The following MCF2L2 variants were observed in gnomAD, a reference collection of about 807,000 sequenced individuals.
The protein encoded by MCF2L2 is probable guanine nucleotide exchange factor MCF2L2.
A neutral mutation model predicts 150.2 loss-of-function variants in MCF2L2; 102 were observed. The observed-to-expected ratio is 0.68, with a 90% CI of 0.58 to 0.80. The LOEUF (loss-of-function observed/expected upper bound fraction) is 0.80. MCF2L2 is among the 30% of genes least tolerant of loss of function. The pLI is 0.00. For synonymous variants in MCF2L2, 465 were observed against 491.3 expected (o/e 0.95, Z 0.71); for missense variants, 1,256 against 1,372.8 (o/e 0.91, Z 1.34).
intron 3 of MCF2L2, among the ~76,000 whole-genome samples, chr3:183,345,662 T>C (rs1411896893): frequency 6.6e-6 from 1 of 151,926 alleles, no homozygotes; most frequent in Non-Finnish European, 1.5e-5. Context: ...ACAAAATAGA[T>C]AGATTGCTAG....
intron 13 of MCF2L2, among the ~76,000 whole-genome samples, chr3:183,292,233 T>G (rs1277437047): frequency 6.6e-6 from 1 of 152,074 alleles, no homozygotes; most frequent in East Asian, 1.9e-4. Flanking sequence ...CACCCCACAA[T>G]TTTCATATAA....
chr3:183,238,995 CAAAAAAAAAAA>C (rs60736939), intron 15 of MCF2L2, among the ~76,000 whole-genome samples: 4 of 88,896 alleles, frequency 4.5e-5, no homozygotes, highest in East Asian at 3.4e-4. Context: ...ATATCCGTCT[CAAAAAAAAAAA>C]AAAAAAAAAA....
intron 26 of MCF2L2, among the ~76,000 whole-genome samples, chr3:183,193,345 T>C (rs1238170807): frequency 1.5e-5 from 2 of 130,156 alleles, no homozygotes; most frequent in African/African-American, 7.2e-5. Flanking sequence ...AAATCTTTTT[T>C]TCTTTTTCTT....
intron 17 of MCF2L2, 33 bp downstream of exon 17, chr3:183,229,633 C>G (rs2108670554): frequency 1.0e-6 from 1 of 984,260 alleles, no homozygotes; most frequent in Non-Finnish European, 1.6e-6. Context: ...CTCTTACTCT[C>G]CATTCTTTCT....
chr3:183,201,869 T>C (rs1051513912), intron 25 of MCF2L2, among the ~76,000 whole-genome samples: 3 of 152,240 alleles, frequency 2.0e-5, no homozygotes, highest in South Asian at 2.1e-4. Flanking sequence ...CTTTACTGCA[T>C]CTATTGAGAT....
rs1471335883 is a variant in MCF2L2 at position 183,179,409 on chromosome 3, G to A, written c.3316C>T (p.Arg1106Cys). The change falls in exon 30 of 30, where the codon CGC (arginine) becomes TGC (cysteine). Residue 1106 changes from arginine to cysteine, a missense_variant. Transcript: ENST00000328913. The surrounding 1 kb of genome is among the most constrained non-coding windows in gnomAD (Gnocchi z 4.2). ...CTCTCCTGGGCGGAGGTCCTCGGGCGCAGCGCCCTCGCCTGGAAACCAGCC... is the reference window on the plus strand; with the variant it reads ...CTCTCCTGGGCGGAGGTCCTCGGGCACAGCGCCCTCGCCTGGAAACCAGCC... ...ATAGFQARAL[R>C]PRTSAQES 1 of 1,560,254 alleles carries A rather than the reference G, an allele frequency of 6.4e-7. No homozygotes were observed. Among genetic ancestry groups the A allele is most frequent in the Non-Finnish European group, 8.7e-7 (1 of 1,152,062 alleles).
At chr3:183,400,654 A>G (rs982568308) in intron 1 of MCF2L2, 7 of 317,500 alleles carry the variant, frequency 2.2e-5, no homozygotes, top group Non-Finnish European at 4.4e-5. Context: ...GAGTGCTCAC[A>G]GGATTACAGC....
intron 3 of MCF2L2, chr3:183,371,905 A>T (rs941017731): frequency 6.6e-6 from 1 of 152,158 alleles, no homozygotes; most frequent in Non-Finnish European, 1.5e-5. Flanking sequence ...CGTTTGTTTC[A>T]CAGGGGCAGA....
chr3:183,293,272 T>C (rs1728268430), intron 13 of MCF2L2, among the ~76,000 whole-genome samples: 2 of 152,216 alleles, frequency 1.3e-5, no homozygotes. Context: ...AGACATTTCA[T>C]AATTATAAAA....
At chr3:183,371,261 G>A (rs1382440575) in intron 3 of MCF2L2, among the ~76,000 whole-genome samples, 1 of 152,164 alleles carries the variant, frequency 6.6e-6, no homozygotes, top group Non-Finnish European at 1.5e-5. Flanking sequence ...CACAGCCTCA[G>A]GAGGTCTTGA....
In MCF2L2 at chr3:183,427,908, G is replaced by A. The variant is rs780031628; in HGVS notation, c.70C>T (p.His24Tyr). ...AAATTAAAGCTTCGTTTACCGACAT[G>A]AGTGATCACTGTGGCCAGTCGCCGG... Reference protein sequence around the residue: ...LTRRLATVITHVDEIMQQEVR... With the variant: ...LTRRLATVITYVDEIMQQEVR... Residue 24 changes from histidine to tyrosine, a missense_variant, in exon 1 of 30, where the codon CAT (histidine) becomes TAT (tyrosine). By Grantham distance (83) the His-to-Tyr change is moderately conservative (BLOSUM62 2). Transcript: ENST00000328913. The A allele has an allele frequency of 1.9e-6, 3 of 1,613,748 alleles. No homozygotes were observed. Among genetic ancestry groups the A allele is most frequent in the South Asian group, 1.1e-5 (1 of 91,074 alleles).
intron 3 of MCF2L2, among the ~76,000 whole-genome samples, chr3:183,367,920 T>C (rs561078341): frequency 6.6e-6 from 1 of 152,308 alleles, no homozygotes; most frequent in East Asian, 1.9e-4. Context: ...TAAATATGCA[T>C]GTTAGTATCA....
intron 2 of MCF2L2, among the ~76,000 whole-genome samples, chr3:183,385,145 ATAT>A (rs532797221): frequency 5.5e-4 from 83 of 152,248 alleles, no homozygotes; most frequent in Non-Finnish European, 9.8e-4. Context: ...ACATGTGGAA[ATAT>A]TATTTTAGAT....
At chr3:183,276,493 A>G (rs946168186) in intron 15 of MCF2L2, among the ~76,000 whole-genome samples, 1 of 152,248 alleles carries the variant, frequency 6.6e-6, no homozygotes, top group African/African-American at 2.4e-5. Context: ...GAGGATGCAA[A>G]CACCTTTCTA....
At chr3:183,239,027 A>G (rs1022250121) in intron 15 of MCF2L2, among the ~76,000 whole-genome samples, 3 of 150,792 alleles carry the variant, frequency 2.0e-5, no homozygotes, top group African/African-American at 7.3e-5. Flanking sequence ...AAGACTCTCA[A>G]GGATTTACCA....
At chr3:183,297,199 C>T (rs370338416) in intron 11 of MCF2L2, 32 bp from the exon 12 acceptor site, 51 of 1,589,670 alleles carry the variant, frequency 3.2e-5, no homozygotes, top group African/African-American at 2.3e-4. Flanking sequence ...CTGTGCACTT[C>T]GCCTGACCAC....
At chr3:183,422,226 C>T (rs1027954604) in intron 1 of MCF2L2, among the ~76,000 whole-genome samples, 3 of 152,204 alleles carry the variant, frequency 2.0e-5, no homozygotes, top group African/African-American at 4.8e-5. Context: ...ACAAAGCTAC[C>T]AGACTCCTCT....
At chr3:183,358,142 T>A (rs1202407904) in intron 3 of MCF2L2, among the ~76,000 whole-genome samples, 1 of 151,814 alleles carries the variant, frequency 6.6e-6, no homozygotes, top group Non-Finnish European at 1.5e-5. Context: ...ATACAAAAAA[T>A]TATCTGGGCA....
At chr3:183,313,378 C>T (rs937347553) in intron 7 of MCF2L2, among the ~76,000 whole-genome samples, 8 of 152,132 alleles carry the variant, frequency 5.3e-5, no homozygotes, top group Non-Finnish European at 1.0e-4. Context: ...ATCCAAAGTG[C>T]GGCAGAGCAT....
Sources: gnomAD v4.1 joint callset for allele counts (sites outside exome capture counted in the v4.1 genomes callset) on GRCh38, gnomAD v4.1.1 for gene constraint, Gnocchi (gnomAD v3.1) non-coding constraint, MANE v1.5 for transcripts, NCBI Gene and HGNC (gene_info 2026-07-23, HGNC 2026-07-21) for gene names.